The following NCAM2 variants were observed in gnomAD, a reference collection of about 807,000 sequenced individuals.
NCAM2 encodes the protein neural cell adhesion molecule 2.
In NCAM2, 30 loss-of-function variants were observed where a neutral mutation model predicts 98.1. The ratio of observed to expected loss-of-function variants is 0.31; its 90% CI spans 0.23 to 0.41. The LOEUF (loss-of-function observed/expected upper bound fraction) is 0.41, where lower values mean the gene tolerates loss of function less well. Among genes scored for constraint, NCAM2 ranks in the 10% least tolerant of loss-of-function variants. NCAM2 has a pLI of 1.00. For synonymous variants in NCAM2, 368 were observed against 342.4 expected, an observed-to-expected ratio of 1.07 and a Z score of -0.83; for missense variants, 867 against 1,005.8, an observed-to-expected ratio of 0.86 and a Z score of 1.87.
intron 1 of NCAM2, among the ~76,000 whole-genome samples, chr21:21,176,402 A>G (rs1419968326): frequency 6.6e-6 from 1 of 152,166 alleles, no homozygotes; most frequent in Non-Finnish European, 1.5e-5. Context: ...CCTAATGGTG[A>G]TGGATAATCA....
At chr21:21,463,927 C>G (rs1983334108) in intron 12 of NCAM2, 1 of 151,684 alleles carries the variant, frequency 6.6e-6, no homozygotes. Context: ...CTCAACTTTT[C>G]TCACAGTAGG....
chr21:21,196,137 A>T (rs1322001353), intron 1 of NCAM2, among the ~76,000 whole-genome samples: 1 of 152,176 alleles, frequency 6.6e-6, no homozygotes, highest in Admixed American at 6.5e-5. Flanking sequence ...ACACTGAGAA[A>T]GCCCACTCAG....
rs1185958439 is a variant in NCAM2 at position 21,541,901 on chromosome 21, C to T, written c.*3944C>T. 6.6e-6 allele frequency: 1 copy of T among 151,638 alleles called. No homozygotes were observed. The highest frequency in any genetic ancestry group is 1.5e-5 in the Non-Finnish European group (1 of 67,770). The allele number at this position is 151,638 out of a possible 1,614,324, so 9.4% of individuals were successfully genotyped here. A position where few individuals can be genotyped will look rare whatever the true frequency, so the allele number is the denominator to read the frequency against. On this transcript the variant is annotated 3_prime_UTR_variant, in exon 18 of 18. Transcript: ENST00000400546. ...ACTTTGTATCTGGATATATTTTTAA[C>T]AATAAGTTTGTTAGCATTATTTATT...
At chr21:21,272,963 C>CACACACACACACACAG (rs1555850124) in intron 1 of NCAM2, among the ~76,000 whole-genome samples, 1 of 118,424 alleles carries the variant, frequency 8.4e-6, no homozygotes, top group Non-Finnish European at 1.8e-5. Context: ...CACACACACA[C>CACACACACACACACAG]GGGACATGCA....
At chr21:21,207,361 C>T (rs1171008407) in intron 1 of NCAM2, among the ~76,000 whole-genome samples, 2 of 152,026 alleles carry the variant, frequency 1.3e-5, no homozygotes, top group South Asian at 2.1e-4. Context: ...TGTATATCTG[C>T]ACAATTTTCC....
At chr21:21,261,709 A>G (rs757107422) in intron 1 of NCAM2, among the ~76,000 whole-genome samples, 10 of 152,270 alleles carry the variant, frequency 6.6e-5, no homozygotes, top group Admixed American at 5.2e-4. Context: ...ATACAGCAAA[A>G]GTTGTGTTAA....
intron 5 of NCAM2, among the ~76,000 whole-genome samples, chr21:21,296,460 A>G: frequency 6.6e-6 from 1 of 151,774 alleles, no homozygotes; most frequent in East Asian, 1.9e-4. Flanking sequence ...TGATTGAAAT[A>G]TACTGTTTTT....
intron 1 of NCAM2, among the ~76,000 whole-genome samples, chr21:21,003,362 G>A (rs1437365639): frequency 1.3e-5 from 2 of 152,126 alleles, no homozygotes; most frequent in African/African-American, 4.8e-5. Context: ...GGCTCCATTT[G>A]ATTTATTACA....
intron 16 of NCAM2, among the ~76,000 whole-genome samples, chr21:21,512,671 C>A (rs1169050953): frequency 4.0e-5 from 6 of 151,882 alleles, no homozygotes; most frequent in Non-Finnish European, 5.9e-5. Context: ...CTGTAGATTT[C>A]TTTGAGTAGT....
chr21:21,162,042 TTC>T lies in NCAM2; in HGVS notation c.56-118534_56-118533del, dbSNP rs1400057587. Among the ~76,000 whole-genome samples the T allele has an allele frequency of 2.6e-5, 4 of 152,228 alleles. No homozygotes were observed. The East Asian group carries it at 7.7e-4, about 29-fold the overall frequency. On this transcript the variant is annotated intron_variant, in intron 1 of 17. Transcript: ENST00000400546. ...AAATGAGGATTTTTGACAAAAGGGA[TTC>T]TATACTAGGATCTTATTGTGTGTGT... is the stretch of plus-strand genomic sequence containing the variant.
At chr21:21,482,240 A>G (rs1286143949) in intron 15 of NCAM2, among the ~76,000 whole-genome samples, 1 of 152,170 alleles carries the variant, frequency 6.6e-6, no homozygotes, top group African/African-American at 2.4e-5. Context: ...GCAATTTTAA[A>G]GGCTGTGATG....
intron 1 of NCAM2, among the ~76,000 whole-genome samples, chr21:21,189,559 C>CT: frequency 6.6e-6 from 1 of 152,114 alleles, no homozygotes; most frequent in South Asian, 2.1e-4. Context: ...GACCTCGTCT[C>CT]TATTTAAAAA....
rs572426489 is a variant in NCAM2 at position 21,522,285 on chromosome 21, A to G, written c.2283-12252A>G. Among the ~76,000 whole-genome samples, 322 of 148,928 alleles carry G rather than the reference A, an allele frequency of 2.2e-3. 3 individuals are homozygous for G. Among genetic ancestry groups the G allele is most frequent in the Admixed American group, 3.6e-3 (54 of 14,894 alleles). On this transcript the variant is annotated intron_variant, in intron 16 of 17. Transcript: ENST00000400546. ...TATTTATATATAAATATGATTATATATGAATGAATGATATATTTATACATA... is the reference window on the plus strand; with the variant it reads ...TATTTATATATAAATATGATTATATGTGAATGAATGATATATTTATACATA...
At chr21:21,026,844 T>TTCG (rs1248268396) in intron 1 of NCAM2, among the ~76,000 whole-genome samples, 1 of 149,108 alleles carries the variant, frequency 6.7e-6, no homozygotes, top group African/African-American at 2.5e-5. Context: ...ATGTTTTCTT[T>TTCG]TCTTCTTCTT....
chr21:21,389,783 G>T (rs2076342258), intron 9 of NCAM2, among the ~76,000 whole-genome samples: 1 of 152,138 alleles, frequency 6.6e-6, no homozygotes, highest in Non-Finnish European at 1.5e-5. Flanking sequence ...ACATTCCATT[G>T]TGTACGTGTC....
chr21:21,286,152 G>T, intron 3 of NCAM2, 117 bp from the exon 4 acceptor site: 1 of 1,110,336 alleles, frequency 9.0e-7, no homozygotes, highest in Non-Finnish European at 1.3e-6. Context: ...AAGTATCTAG[G>T]TTTCCCTAAT....
At chr21:21,369,999 T>C (rs2075878720) in intron 8 of NCAM2, among the ~76,000 whole-genome samples, 1 of 151,766 alleles carries the variant, frequency 6.6e-6, no homozygotes, top group African/African-American at 2.4e-5. Flanking sequence ...GACCCCAAGT[T>C]TGAGCTAATA....
intron 1 of NCAM2, among the ~76,000 whole-genome samples, chr21:21,269,190 A>G (rs751969534): frequency 2.0e-5 from 3 of 152,126 alleles, no homozygotes; most frequent in Non-Finnish European, 4.4e-5. Flanking sequence ...TTTTCTTTGT[A>G]TAATACTTAA....
chr21:21,510,989 A>G (rs1324086188), intron 16 of NCAM2, among the ~76,000 whole-genome samples: 1 of 151,958 alleles, frequency 6.6e-6, no homozygotes, highest in African/African-American at 2.4e-5. Context: ...CCTGTTTTGT[A>G]CTTTACATAA....
Sources: gnomAD v4.1 joint callset for allele counts (sites outside exome capture counted in the v4.1 genomes callset) on GRCh38, gnomAD v4.1.1 for gene constraint, MANE v1.5 for transcripts, NCBI Gene and HGNC (gene_info 2026-07-23, HGNC 2026-07-21) for gene names.